The following ABCG2 variants were observed in gnomAD, a reference collection of about 807,000 sequenced individuals.
ABCG2 encodes ATP binding cassette subfamily G member 2 (JR blood group), also known as broad substrate specificity ATP-binding cassette transporter ABCG2.
ABCG2 carries 80 observed loss-of-function variants against 73.5 expected under a neutral mutation model. The ratio of observed to expected loss-of-function variants is 1.09; its 90% CI spans 0.91 to 1.31. ABCG2 has a LOEUF of 1.31. ABCG2 is among the 50% of genes most tolerant of loss of function. The pLI is 0.00. For synonymous variants in ABCG2, 269 were observed against 282.4 expected, an observed-to-expected ratio of 0.95 and a Z score of 0.48; for missense variants, 796 against 786.2, an observed-to-expected ratio of 1.01 and a Z score of -0.15.
At chr4:88,130,307 T>C (rs965922808) in intron 5 of ABCG2, among the ~76,000 whole-genome samples, 2 of 152,034 alleles carry the variant, frequency 1.3e-5, no homozygotes, top group Admixed American at 6.6e-5. Context: ...GTGAACTGCA[T>C]GTACGAGGAT....
chr4:88,108,725 A>T (rs563283573), intron 9 of ABCG2, among the ~76,000 whole-genome samples: 1 of 152,322 alleles, frequency 6.6e-6, no homozygotes, highest in Admixed American at 6.5e-5. Context: ...AACTGCAAAA[A>T]CAGTACCATC....
intron 1 of ABCG2, among the ~76,000 whole-genome samples, chr4:88,194,716 A>G (rs1379108237): frequency 2.6e-5 from 4 of 152,120 alleles, no homozygotes; most frequent in African/African-American, 9.7e-5. Flanking sequence ...ATCCTGAGAT[A>G]GGAGTGGTTC....
chr4:88,181,594 G>A (rs1276967798), intron 1 of ABCG2, among the ~76,000 whole-genome samples: 1 of 151,986 alleles, frequency 6.6e-6, no homozygotes, highest in Non-Finnish European at 1.5e-5. Flanking sequence ...AGCCTGGCGT[G>A]GTGGTGCACA....
intron 1 of ABCG2, among the ~76,000 whole-genome samples, chr4:88,193,810 T>G (rs1447026247): frequency 6.6e-6 from 1 of 152,208 alleles, no homozygotes; most frequent in East Asian, 1.9e-4. Flanking sequence ...CATGGCATGA[T>G]CTTGGCTCAC....
chr4:88,187,660 A>C, intron 1 of ABCG2, among the ~76,000 whole-genome samples: 1 of 152,184 alleles, frequency 6.6e-6, no homozygotes, highest in East Asian at 1.9e-4. Context: ...TGGATATCTC[A>C]TTTATCCTGA....
chr4:88,144,264 C>T (rs544529845), intron 1 of ABCG2, among the ~76,000 whole-genome samples: 4 of 152,084 alleles, frequency 2.6e-5, no homozygotes, highest in Non-Finnish European at 5.9e-5. Flanking sequence ...TGATCCCAGC[C>T]GATTCATGTT....
chr4:88,124,404 G>A lies in ABCG2; in HGVS notation c.532-2612C>T, dbSNP rs773951007. ...AAGAGTCAAGACCCATCGGTGTGCT[G>A]TATTCAGGAGACCCATCTCACATGA... On this transcript the variant is annotated intron_variant, in intron 5 of 15. Transcript: ENST00000237612. Among the ~76,000 whole-genome samples, 32 of 152,298 alleles carry A rather than the reference G, an allele frequency of 2.1e-4. 1 individual carries two copies. The highest frequency in any genetic ancestry group is 3.4e-3 in the Middle Eastern group (1 of 294).
intron 10 of ABCG2, among the ~76,000 whole-genome samples, chr4:88,106,167 G>A (rs1411068702): frequency 6.6e-6 from 1 of 151,916 alleles, no homozygotes; most frequent in African/African-American, 2.4e-5. Context: ...AGACAGGGTC[G>A]AACTCTGTCA....
At chr4:88,130,220 A>G (rs1428926263) in intron 5 of ABCG2, among the ~76,000 whole-genome samples, 1 of 152,062 alleles carries the variant, frequency 6.6e-6, no homozygotes, top group Non-Finnish European at 1.5e-5. Flanking sequence ...CCGCTCCCCA[A>G]TGCTTGCATT....
Position 88,166,376 on chromosome 4 carries a change from A to T in ABCG2, c.-19-26362T>A, listed in dbSNP as rs191720589. ...AAAAGTATATTTGCTTTCCCATAGA[A>T]CCCTTTCTCTCCTCCTCCCTTTTCC... On this transcript the variant is annotated intron_variant, in intron 1 of 15. Coordinates refer to the ABCG2 transcript ENST00000515655. Among the ~76,000 whole-genome samples the T allele has an allele frequency of 2.6e-3, 398 of 152,020 alleles. 2 individuals carry two copies. Among genetic ancestry groups the T allele is most frequent in the African/African-American group, 9.0e-3 (375 of 41,462 alleles).
At chr4:88,100,962 G>A (rs1722365946) in intron 11 of ABCG2, among the ~76,000 whole-genome samples, 1 of 152,056 alleles carries the variant, frequency 6.6e-6, no homozygotes, top group Admixed American at 6.6e-5. Flanking sequence ...CTTTTCTCTG[G>A]ATATCAGGTC....
chr4:88,137,894 C>T (rs573584314), intron 2 of ABCG2, among the ~76,000 whole-genome samples: 5 of 152,304 alleles, frequency 3.3e-5, no homozygotes, highest in African/African-American at 9.6e-5. Flanking sequence ...GTGGCTCATG[C>T]TTATAACCCC....
chr4:88,150,574 AT>A (rs1275583110), intron 1 of ABCG2, among the ~76,000 whole-genome samples: 2 of 152,340 alleles, frequency 1.3e-5, no homozygotes, highest in Middle Eastern at 3.4e-3. Flanking sequence ...GGAGTGTCCA[AT>A]CTTTTGGCTT....
upstream of ABCG2, chr4:88,159,305 C>T (rs764310924): frequency 6.9e-6 from 3 of 436,628 alleles, no homozygotes; most frequent in Non-Finnish European, 1.4e-5. Context: ...GCTGCTCGCA[C>T]CCAGAGCAAG....
chr4:88,166,308 C>T (rs764612067), intron 1 of ABCG2, among the ~76,000 whole-genome samples: 5 of 152,102 alleles, frequency 3.3e-5, no homozygotes, highest in Non-Finnish European at 5.9e-5. Context: ...CACAAATTGT[C>T]GTACCATCAT....
intron 1 of ABCG2, among the ~76,000 whole-genome samples, chr4:88,199,607 T>G (rs1729072595): frequency 6.6e-6 from 1 of 152,214 alleles, no homozygotes; most frequent in Non-Finnish European, 1.5e-5. Flanking sequence ...AAATTTCCCT[T>G]CAGATTTAAA....
chr4:88,140,410 A>AT (rs538858314), intron 1 of ABCG2, among the ~76,000 whole-genome samples: 26 of 151,944 alleles, frequency 1.7e-4, no homozygotes, highest in Admixed American at 4.6e-4. Flanking sequence ...GAATCTCTGT[A>AT]TTTTTTTTCA....
chr4:88,155,586 C>A (rs1472378108), intron 1 of ABCG2, among the ~76,000 whole-genome samples: 1 of 152,214 alleles, frequency 6.6e-6, no homozygotes, highest in African/African-American at 2.4e-5. Flanking sequence ...AAGTCACAAA[C>A]TTTTTATTAT....
intron 2 of ABCG2, among the ~76,000 whole-genome samples, chr4:88,137,725 G>A (rs1725350112): frequency 6.6e-6 from 1 of 152,122 alleles, no homozygotes; most frequent in Admixed American, 6.6e-5. Context: ...AGCACCATGT[G>A]GACAGCCTGC....
Sources: gnomAD v4.1 joint callset for allele counts (sites outside exome capture counted in the v4.1 genomes callset) on GRCh38, gnomAD v4.1.1 for gene constraint, MANE v1.5 for transcripts, NCBI Gene and HGNC (gene_info 2026-07-23, HGNC 2026-07-21) for gene names.